CASQ2: variants seen among roughly 807,000 people sequenced by gnomAD.
CASQ2 encodes the protein calsequestrin-2.
A neutral mutation model predicts 46.5 loss-of-function variants in CASQ2; 49 were observed. That is an observed-to-expected ratio of 1.05 (90% confidence interval 0.84 to 1.34). The LOEUF (loss-of-function observed/expected upper bound fraction) is 1.34, where lower values mean the gene tolerates loss of function less well. Ranked by LOEUF, CASQ2 falls within the 40% of genes most tolerant of loss-of-function variation. The pLI is 0.00. For synonymous variants in CASQ2, 174 were observed against 168.5 expected, an observed-to-expected ratio of 1.03 and a Z score of -0.25; for missense variants, 486 against 481.3, an observed-to-expected ratio of 1.01 and a Z score of -0.09.
chr1:115,753,358 G>A (rs1266768950), intron 1 of CASQ2, among the ~76,000 whole-genome samples: 1 of 152,136 alleles, frequency 6.6e-6, no homozygotes, highest in African/African-American at 2.4e-5. Context: ...AAAGGATCCT[G>A]GTGTAGTGAC....
At position 115,744,926 on chromosome 1, in the gene CASQ2, T is replaced by C; in HGVS notation, c.235-14A>G. Reference sequence around the variant, plus strand: ...CTGGGCCACAAGCTGAAGAAACAAATGGAAAGATGAGTGTGCTAAGGGCAG... The same window carrying C: ...CTGGGCCACAAGCTGAAGAAACAAACGGAAAGATGAGTGTGCTAAGGGCAG... On this transcript the variant is annotated splice_polypyrimidine_tract_variant and intron_variant, in intron 1 of 10. Coordinates refer to ENST00000261448, the MANE Select transcript of CASQ2 (RefSeq NM_001232.4). 6.3e-7 allele frequency: 1 copy of C among 1,586,354 alleles called. No homozygotes were observed.
intron 7 of CASQ2, among the ~76,000 whole-genome samples, chr1:115,719,244 T>G (rs1244399526): frequency 1.4e-5 from 2 of 146,288 alleles, no homozygotes; most frequent in Non-Finnish European, 3.0e-5. Flanking sequence ...TACGCATGTG[T>G]GTGCCTGTGT....
At chr1:115,745,292 G>A (rs1648350109) in intron 1 of CASQ2, among the ~76,000 whole-genome samples, 1 of 152,184 alleles carries the variant, frequency 6.6e-6, no homozygotes, top group Non-Finnish European at 1.5e-5. Context: ...AAATGTACCT[G>A]GGGCAGAGTG....
chr1:115,741,000 A>G (rs1235772140), intron 2 of CASQ2, among the ~76,000 whole-genome samples, 172 bp from the exon 3 acceptor site: 1 of 152,246 alleles, frequency 6.6e-6, no homozygotes, highest in Non-Finnish European at 1.5e-5. Flanking sequence ...GAGCTCCTGA[A>G]GTGAACATTT....
At chr1:115,732,660 T>C (rs1402721741) in intron 5 of CASQ2, among the ~76,000 whole-genome samples, 9 of 152,168 alleles carry the variant, frequency 5.9e-5, no homozygotes, top group Non-Finnish European at 1.5e-5. Context: ...AAGAAGATAA[T>C]GGTGGGTCAT....
At chr1:115,732,449 C>T (rs1221099609) in intron 5 of CASQ2, among the ~76,000 whole-genome samples, 1 of 152,224 alleles carries the variant, frequency 6.6e-6, no homozygotes, top group Non-Finnish European at 1.5e-5. Context: ...CCTGCTTCAG[C>T]TCACTGACTT....
intron 7 of CASQ2, among the ~76,000 whole-genome samples, chr1:115,718,117 A>G (rs1028128405): frequency 1.3e-5 from 2 of 152,136 alleles, no homozygotes; most frequent in African/African-American, 4.8e-5. Context: ...TCAGGGACTC[A>G]GATAAATGAG....
Position 115,740,829 on chromosome 1 carries a change from C to T in CASQ2, c.320-1G>A. ...TACAGGCTTCCTTCTTCATCAAAAC[C>T]TGTAAGAAACAAAGAGGCCCACAGA... On this transcript the variant is annotated splice_acceptor_variant, in intron 2 of 10. Coordinates refer to ENST00000261448, the MANE Select transcript of CASQ2 (RefSeq NM_001232.4). LOFTEE classifies it high-confidence loss of function. The T allele has an allele frequency of 6.2e-7, 1 of 1,600,998 alleles. No individual in the cohort carries two copies. Among genetic ancestry groups the T allele is most frequent in the Non-Finnish European group, 8.6e-7 (1 of 1,168,306 alleles).
intron 3 of CASQ2, among the ~76,000 whole-genome samples, chr1:115,738,618 T>C (rs1234721503): frequency 6.6e-6 from 1 of 152,244 alleles, no homozygotes; most frequent in African/African-American, 2.4e-5. Context: ...TAGTTGTATG[T>C]ATTTATTGGA....
At chr1:115,708,398 C>T (rs556482891) in intron 8 of CASQ2, among the ~76,000 whole-genome samples, 7 of 151,996 alleles carry the variant, frequency 4.6e-5, no homozygotes, top group Non-Finnish European at 1.0e-4. Context: ...TGTCTCTGAC[C>T]CCAAATACTT....
At chr1:115,727,229 A>G in intron 5 of CASQ2, 107 bp from the exon 6 acceptor site, 1 of 852,656 alleles carries the variant, frequency 1.2e-6, no homozygotes, top group South Asian at 1.4e-5. Flanking sequence ...AGACATAAAA[A>G]CAGATGTACA....
intron 7 of CASQ2, among the ~76,000 whole-genome samples, chr1:115,718,432 C>G (rs1008055384): frequency 2.0e-5 from 3 of 152,212 alleles, no homozygotes; most frequent in African/African-American, 7.2e-5. Flanking sequence ...AGACAGGAAT[C>G]ATTGAGGTCA....
At chr1:115,715,771 A>G (rs992603703) in intron 8 of CASQ2, among the ~76,000 whole-genome samples, 1 of 152,194 alleles carries the variant, frequency 6.6e-6, no homozygotes, top group Non-Finnish European at 1.5e-5. Flanking sequence ...CTATTAGTGT[A>G]TTGCCAAAAA....
intron 4 of CASQ2, among the ~76,000 whole-genome samples, chr1:115,737,219 C>A (rs1446089446): frequency 6.6e-6 from 1 of 152,146 alleles, no homozygotes; most frequent in African/African-American, 2.4e-5. Flanking sequence ...CTCCCTCTAG[C>A]ACATTCATTT....
At chr1:115,732,835 G>A in intron 5 of CASQ2, 66 bp downstream of exon 5, 4 of 1,081,310 alleles carry the variant, frequency 3.7e-6, no homozygotes, top group East Asian at 4.7e-5. Context: ...AAAGAGTGGT[G>A]AGAGTTCAAA....
At chr1:115,732,001 C>G (rs1441709680) in intron 5 of CASQ2, 1 of 152,278 alleles carries the variant, frequency 6.6e-6, no homozygotes, top group African/African-American at 2.4e-5. Flanking sequence ...GCAGCTTCAA[C>G]CTCCTGGGCT....
chr1:115,716,826 T>TC (rs1450628712), intron 8 of CASQ2, among the ~76,000 whole-genome samples: 1 of 152,236 alleles, frequency 6.6e-6, no homozygotes, highest in Non-Finnish European at 1.5e-5. Context: ...AGACTTGTTG[T>TC]CCCTTCTCTG....
intron 9 of CASQ2, 131 bp downstream of exon 9, chr1:115,705,061 C>T (rs1654317080): frequency 2.7e-6 from 2 of 745,192 alleles, no homozygotes; most frequent in Non-Finnish European, 4.9e-6. Context: ...GGGCCAAGAC[C>T]TCCCACACTG....
chr1:115,722,956 G>A (rs183930842), intron 7 of CASQ2, among the ~76,000 whole-genome samples: 9 of 152,270 alleles, frequency 5.9e-5, no homozygotes, highest in Non-Finnish European at 1.2e-4. Flanking sequence ...GCTGAGGGAG[G>A]AGAATCACAT....
Sources: allele counts gnomAD v4.1 joint callset (sites outside exome capture counted in the v4.1 genomes callset), GRCh38; gene constraint gnomAD v4.1.1; transcripts MANE v1.5; gene names NCBI Gene and HGNC (gene_info 2026-07-23, HGNC 2026-07-21).